ANO7: variants seen among roughly 807,000 people sequenced by gnomAD.
ANO7 encodes anoctamin-7.
Under a neutral mutation model 115.8 loss-of-function variants are expected in ANO7, and 114 were observed. That is an observed-to-expected ratio of 0.98 (90% confidence interval 0.85 to 1.15). The LOEUF is 1.15. Ranked by LOEUF, ANO7 falls within the 50% of genes most tolerant of loss-of-function variation. ANO7 has a pLI of 0.00. For synonymous variants in ANO7, 550 were observed against 498.2 expected, an observed-to-expected ratio of 1.10 and a Z score of -1.38; for missense variants, 1,302 against 1,201.2, an observed-to-expected ratio of 1.08 and a Z score of -1.24.
chr2:241,237,024 G>A, the ANO7 span, among the ~76,000 whole-genome samples: 2 of 150,594 alleles, frequency 1.3e-5, no homozygotes, highest in Admixed American at 6.6e-5. Context: ...GGGAGGCCGT[G>A]AGCTCTGTGT....
Position 241,223,267 on chromosome 2 carries a change from T to G in ANO7, c.2403T>G (p.Ile801Met), listed in dbSNP as rs759386062. 20 of 1,614,100 alleles carry G rather than the reference T, an allele frequency of 1.2e-5. No homozygotes were observed. In the African/African-American group the frequency reaches 2.5e-4, roughly 20 times the overall value. The change falls in exon 22 of 25, where the codon ATT becomes ATG. Residue 801 changes from isoleucine (I) to methionine (M), a missense_variant. Transcript: ENST00000674324. ...TTGCCATCCGCCTGGCCTTCGTCAT[T>G]GTGTTTGAGGTAGCCGAGGCACCTG... is the stretch of plus-strand genomic sequence containing the variant. ...NLLAIRLAFV[I>M]VFEHVVFSVG...
At chr2:241,234,425 G>C in the ANO7 span, among the ~76,000 whole-genome samples, 1 of 152,206 alleles carries the variant, frequency 6.6e-6, no homozygotes, top group South Asian at 2.1e-4. Flanking sequence ...CTGGCTGCAG[G>C]AGACAACCCA....
At chr2:241,219,830 C>G (rs1234495312) in intron 21 of ANO7, among the ~76,000 whole-genome samples, 1 of 151,744 alleles carries the variant, frequency 6.6e-6, no homozygotes, top group Non-Finnish European at 1.5e-5. Flanking sequence ...GCCCTGGCCT[C>G]CCAAAGCACT....
At chr2:241,221,168 C>T (rs1290079769) in intron 21 of ANO7, among the ~76,000 whole-genome samples, 6 of 150,290 alleles carry the variant, frequency 4.0e-5, no homozygotes, top group African/African-American at 9.8e-5. Context: ...CTCCGCCTCC[C>T]GGGTTCAAGC....
chr2:241,221,746 T>C (rs561406427), intron 21 of ANO7, among the ~76,000 whole-genome samples: 2 of 151,850 alleles, frequency 1.3e-5, no homozygotes, highest in East Asian at 3.9e-4. Context: ...GGCATGATTT[T>C]GGCTCACTGC....
At position 241,209,640 on chromosome 2, in the gene ANO7, G is replaced by T. The variant is rs772128942; in HGVS notation, c.1359+5G>T. ...TCTGTGGTGATCGTGGTGATGGTAT[G>T]CGGTCCCCCTGCCCTCCGCTCACGC... On this transcript the variant is annotated splice_donor_5th_base_variant and intron_variant, in intron 13 of 24. Transcript: ENST00000674324. 1.9e-6 allele frequency: 3 copies of T among 1,540,572 alleles called. No individual in the cohort carries two copies. Among genetic ancestry groups the T allele is most frequent in the South Asian group, 2.5e-5 (2 of 79,578 alleles).
chr2:241,223,282 C>T lies in ANO7; in HGVS notation c.2412+6C>T, dbSNP rs765120575. On this transcript the variant is annotated splice_donor_region_variant and intron_variant, in intron 22 of 24. Transcript: ENST00000674324. Reference sequence around the variant, plus strand: ...CCTTCGTCATTGTGTTTGAGGTAGCCGAGGCACCTGCTGGTTCTCCCATCC... The same window carrying T: ...CCTTCGTCATTGTGTTTGAGGTAGCTGAGGCACCTGCTGGTTCTCCCATCC... The T allele has an allele frequency of 9.3e-6, 15 of 1,614,076 alleles. 1 individual carries two copies. Among genetic ancestry groups the T allele is most frequent in the East Asian group, 2.2e-5 (1 of 44,888 alleles).
At chr2:241,204,372 G>A (rs934389026) in intron 9 of ANO7, among the ~76,000 whole-genome samples, 21 of 151,726 alleles carry the variant, frequency 1.4e-4, no homozygotes, top group African/African-American at 5.1e-4. Flanking sequence ...ACATGCTGAG[G>A]GCCTGGGGTA....
chr2:241,191,872 A>T (rs1156345231), intron 3 of ANO7, among the ~76,000 whole-genome samples: 2 of 152,240 alleles, frequency 1.3e-5, no homozygotes, highest in Non-Finnish European at 2.9e-5. Context: ...TAAGGAAAAC[A>T]GCAGTTCCTC....
intron 21 of ANO7, 67 bp downstream of exon 21, chr2:241,218,448 G>T: frequency 9.7e-6 from 12 of 1,230,810 alleles, no homozygotes; most frequent in Non-Finnish European, 1.2e-5. Flanking sequence ...GGCTCGGGTG[G>T]GGTGGGGGTG....
chr2:241,196,721 T>C (rs1005307062), intron 4 of ANO7, among the ~76,000 whole-genome samples: 4 of 152,264 alleles, frequency 2.6e-5, no homozygotes, highest in African/African-American at 9.6e-5. Flanking sequence ...CACCCTTGCC[T>C]TGCCGCAGGC....
the ANO7 span, chr2:241,230,994 C>T: frequency 9.7e-6 from 15 of 1,545,496 alleles, no homozygotes; most frequent in East Asian, 6.8e-5. The surrounding 1 kb of genome is among the most constrained non-coding windows in gnomAD (Gnocchi z 5.0). Context: ...CTGGGATTCC[C>T]GTCAGGGGCA....
the ANO7 span, chr2:241,238,822 C>T: frequency 6.8e-7 from 1 of 1,469,528 alleles, no homozygotes; most frequent in Non-Finnish European, 9.1e-7. This position sits in a 1 kb window ranked among gnomAD's most constrained non-coding sequence, Gnocchi z 4.9. Flanking sequence ...AAGAAAAGAG[C>T]AAAGATTAAA....
intron 3 of ANO7, among the ~76,000 whole-genome samples, chr2:241,192,425 CTGGTGGCT>C (rs974619467): frequency 6.6e-6 from 1 of 152,216 alleles, no homozygotes; most frequent in Admixed American, 6.5e-5. Flanking sequence ...TGAGGCAGGG[CTGGTGGCT>C]TAGAGGCCTC....
intron 24 of ANO7, 31 bp downstream of exon 24, chr2:241,223,986 C>T (rs368776868): frequency 1.2e-4 from 201 of 1,613,790 alleles, no homozygotes; most frequent in Non-Finnish European, 1.6e-4. Flanking sequence ...GCCCCTGCCC[C>T]GTGCACTCCC....
chr2:241,204,955 C>A lies in ANO7; in HGVS notation c.980C>A (p.Thr327Lys), dbSNP rs201322493. 6.2e-7 allele frequency: 1 copy of A among 1,613,748 alleles called. No homozygotes were observed. Among genetic ancestry groups the A allele is most frequent in the Non-Finnish European group, 8.5e-7 (1 of 1,179,720 alleles). Residue 327 changes from threonine to lysine, a missense_variant and splice_region_variant, in exon 10 of 25, where the codon ACG (threonine) becomes AAG (lysine). Coordinates refer to ENST00000674324, the MANE Select transcript of ANO7 (RefSeq NM_001370694.2). ...TTCCTGGTGTTCTCAGACATACCCA[C>A]GTGAGTGTTCCCTCTCCGCAGCTCT... Reference protein sequence around the residue: ...GCFLVFSDIPTQELCGSKDSF... With the variant: ...GCFLVFSDIPKQELCGSKDSF...
chr2:241,240,265 A>C, the ANO7 span: 2 of 752,536 alleles, frequency 2.7e-6, no homozygotes, highest in Non-Finnish European at 4.7e-6. This position sits in a 1 kb window ranked among gnomAD's most constrained non-coding sequence, Gnocchi z 5.5. Flanking sequence ...TACCCCCAAA[A>C]TGGGGCTAGC....
chr2:241,219,157 G>A (rs1443657508), intron 21 of ANO7, among the ~76,000 whole-genome samples: 1 of 152,212 alleles, frequency 6.6e-6, no homozygotes, highest in Non-Finnish European at 1.5e-5. Context: ...TACTTCACCC[G>A]CAGTTGTGGA....
At chr2:241,194,722 TC>T (rs1295106117) in intron 3 of ANO7, among the ~76,000 whole-genome samples, 5 of 152,244 alleles carry the variant, frequency 3.3e-5, no homozygotes, top group African/African-American at 1.2e-4. Context: ...TTATTGTTCA[TC>T]TCTTACTTTA....
Sources: gnomAD v4.1 joint callset for allele counts (sites outside exome capture counted in the v4.1 genomes callset) on GRCh38, gnomAD v4.1.1 for gene constraint, Gnocchi (gnomAD v3.1) non-coding constraint, MANE v1.5 for transcripts, NCBI Gene and HGNC (gene_info 2026-07-23, HGNC 2026-07-21) for gene names.